Variants in ARHGAP22 observed in about 807,000 individuals in gnomAD.
ARHGAP22 encodes rho GTPase-activating protein 22.
A neutral mutation model predicts 59.1 loss-of-function variants in ARHGAP22; 48 were observed. The ratio of observed to expected loss-of-function variants is 0.81; its 90% CI spans 0.64 to 1.03. The LOEUF (loss-of-function observed/expected upper bound fraction) is 1.03. ARHGAP22 is among the 50% of genes least tolerant of loss of function. The pLI, the probability that ARHGAP22 is intolerant of heterozygous loss-of-function variation, is 0.00. For missense variants in ARHGAP22, 1,015 were observed against 958.7 expected (o/e 1.06, Z -0.78); for synonymous variants, 445 against 416.4 (o/e 1.07, Z -0.84).
intron 5 of ARHGAP22, among the ~76,000 whole-genome samples, chr10:48,457,708 A>G (rs2046689148): frequency 6.6e-6 from 1 of 152,158 alleles, no homozygotes. Context: ...TGAGGCTTCC[A>G]GGCCTGGTGA....
intron 1 of ARHGAP22, among the ~76,000 whole-genome samples, chr10:48,626,473 T>G (rs914799319): frequency 2.0e-5 from 3 of 152,314 alleles, no homozygotes; most frequent in African/African-American, 7.2e-5. Context: ...TAGGAGGTGC[T>G]ACATTGATAT....
At chr10:48,447,923 T>A (rs1048340045) in intron 9 of ARHGAP22, among the ~76,000 whole-genome samples, 2 of 152,094 alleles carry the variant, frequency 1.3e-5, no homozygotes, top group Non-Finnish European at 2.9e-5. Flanking sequence ...GCTCAGCACC[T>A]GGCCGCTTCC....
chr10:48,472,538 A>G (rs1341471102), intron 4 of ARHGAP22, among the ~76,000 whole-genome samples: 1 of 152,130 alleles, frequency 6.6e-6, no homozygotes, highest in Non-Finnish European at 1.5e-5. Flanking sequence ...ATAAAATAAA[A>G]TAAAATAAAA....
chr10:48,632,799 T>A (rs2061673010), intron 1 of ARHGAP22, among the ~76,000 whole-genome samples: 1 of 152,228 alleles, frequency 6.6e-6, no homozygotes, highest in Admixed American at 6.5e-5. Flanking sequence ...TGTCTGCAGA[T>A]GCCAGAGCGA....
chr10:48,524,765 T>G (rs1380839705), intron 3 of ARHGAP22, among the ~76,000 whole-genome samples: 1 of 152,182 alleles, frequency 6.6e-6, no homozygotes, highest in African/African-American at 2.4e-5. Context: ...ATGAGCTGTG[T>G]GACTTTGGAT....
intron 4 of ARHGAP22, among the ~76,000 whole-genome samples, chr10:48,475,853 C>T (rs528617186): frequency 7.9e-5 from 12 of 152,304 alleles, no homozygotes; most frequent in South Asian, 4.2e-4. Flanking sequence ...ACAGCTCTAC[C>T]ATGATGACAA....
At position 48,521,999 on chromosome 10, in the gene ARHGAP22, C is replaced by CAG. The variant is rs1199774227; in HGVS notation, c.322+33463_322+33464insCT. ...TGTTTATTGCAGAACTAATTGTGAA[C>CAG]AATGGTTCAGACTGTCCGCCACCCA... On this transcript the variant is annotated intron_variant, in intron 3 of 9. Coordinates refer to ENST00000249601, the MANE Select transcript of ARHGAP22 (RefSeq NM_021226.4). Among the ~76,000 whole-genome samples, 3 of 152,228 alleles carry CAG rather than the reference C, an allele frequency of 2.0e-5. No homozygotes were observed. The East Asian group carries it at 5.8e-4, about 29-fold the overall frequency.
At position 48,479,754 on chromosome 10, in the gene ARHGAP22, C is replaced by A; in HGVS notation, c.333G>T (p.Gly111=). 1 of 1,590,800 alleles carries A rather than the reference C, an allele frequency of 6.3e-7. No individual in the cohort carries two copies. The highest frequency in any genetic ancestry group is 8.6e-7 in the Non-Finnish European group (1 of 1,166,964). The change falls in exon 4 of 10, where the codon GGG becomes GGT. Residue 111 remains glycine, a synonymous_variant. Coordinates refer to ENST00000249601, the MANE Select transcript of ARHGAP22 (RefSeq NM_021226.4). ...HLFEISPGGA[G]EREKVPANPE... is the part of the protein sequence containing the mutation. Reference sequence around the variant, plus strand: ...GGTTGGCCGGCACCTTCTCCCGCTCCCCGGCACCACCTGCAAGACAGGGAG... The same window carrying A: ...GGTTGGCCGGCACCTTCTCCCGCTCACCGGCACCACCTGCAAGACAGGGAG...
intron 1 of ARHGAP22, among the ~76,000 whole-genome samples, chr10:48,647,730 T>C (rs1313196892): frequency 6.6e-6 from 1 of 152,212 alleles, no homozygotes; most frequent in African/African-American, 2.4e-5. Flanking sequence ...CAGAAGCATA[T>C]GCATGTGAAT....
At chr10:48,622,237 G>A (rs1356667468) in intron 1 of ARHGAP22, among the ~76,000 whole-genome samples, 1 of 151,868 alleles carries the variant, frequency 6.6e-6, no homozygotes, top group Non-Finnish European at 1.5e-5. Context: ...ACTGCCTTCT[G>A]TTGTGATAAA....
At chr10:48,579,474 T>C (rs759180403) in intron 2 of ARHGAP22, among the ~76,000 whole-genome samples, 8 of 152,196 alleles carry the variant, frequency 5.3e-5, no homozygotes, top group Non-Finnish European at 1.0e-4. Flanking sequence ...GGATCAAGGG[T>C]GCACTTCCAG....
intron 3 of ARHGAP22, among the ~76,000 whole-genome samples, chr10:48,504,583 T>G (rs2051885281): frequency 6.6e-6 from 1 of 152,110 alleles, no homozygotes; most frequent in African/African-American, 2.4e-5. Flanking sequence ...TGCACAGATC[T>G]GGTCTGGGCA....
chr10:48,493,604 C>T lies in ARHGAP22; in HGVS notation c.323-13840G>A, dbSNP rs111317574. On this transcript the variant is annotated intron_variant, in intron 3 of 9. Coordinates refer to ENST00000249601, the MANE Select transcript of ARHGAP22 (RefSeq NM_021226.4). ...CCTCCACTGCAGGGCTGCGGCCACTCGGCTGCCTGTGTGCTCTGCCTGTGG... is the reference window on the plus strand; with the variant it reads ...CCTCCACTGCAGGGCTGCGGCCACTTGGCTGCCTGTGTGCTCTGCCTGTGG... 33 of 1,472,718 alleles carry T rather than the reference C, an allele frequency of 2.2e-5. No homozygotes were observed. The African/African-American group carries it at 3.1e-4, about 14-fold the overall frequency. The allele number at this position is 1,472,718 out of a possible 1,614,324, so 91.2% of individuals were successfully genotyped here.
intron 1 of ARHGAP22, among the ~76,000 whole-genome samples, chr10:48,638,383 G>T (rs1387825565): frequency 1.3e-5 from 2 of 151,680 alleles, no homozygotes; most frequent in African/African-American, 4.9e-5. Context: ...TCAACTCGCG[G>T]GCCAGGAGTG....
At chr10:48,462,245 G>T (rs917988640) in intron 4 of ARHGAP22, among the ~76,000 whole-genome samples, 2 of 122,628 alleles carry the variant, frequency 1.6e-5, no homozygotes, top group Non-Finnish European at 3.4e-5. Context: ...GCACACTTCG[G>T]GGTGGGGGGG....
chr10:48,482,664 A>G (rs2049442801), intron 3 of ARHGAP22, among the ~76,000 whole-genome samples: 1 of 152,052 alleles, frequency 6.6e-6, no homozygotes, highest in Non-Finnish European at 1.5e-5. Context: ...TTATTGATAC[A>G]TAATATTTGT....
In ARHGAP22 at chr10:48,455,154, A is replaced by G; in HGVS notation, c.660-20T>C. 6.3e-7 allele frequency: 1 copy of G among 1,588,186 alleles called. No individual in the cohort carries two copies. The highest frequency in any genetic ancestry group is 1.1e-5 in the South Asian group (1 of 88,742). On this transcript the variant is annotated intron_variant, in intron 5 of 9. Transcript: ENST00000249601. ...GTTGTGCTGTGGGGGGGAAGAGGAC[A>G]GGTGTGTGAGGCCTGGGATGCCAGG...
At chr10:48,458,896 G>A (rs957734969) in intron 5 of ARHGAP22, among the ~76,000 whole-genome samples, 15 of 152,146 alleles carry the variant, frequency 9.9e-5, no homozygotes, top group African/African-American at 3.1e-4. Context: ...CTGCAGTGAC[G>A]GGCCTGGGAA....
chr10:48,603,254 GT>G (rs1230924715), intron 1 of ARHGAP22, among the ~76,000 whole-genome samples: 3 of 152,236 alleles, frequency 2.0e-5, no homozygotes, highest in South Asian at 4.1e-4. Flanking sequence ...CAGGCTGCCT[GT>G]AAGCCCCTTT....
Sources: gnomAD v4.1 joint callset for allele counts (sites outside exome capture counted in the v4.1 genomes callset) on GRCh38, gnomAD v4.1.1 for gene constraint, MANE v1.5 for transcripts, NCBI Gene and HGNC (gene_info 2026-07-23, HGNC 2026-07-21) for gene names.